The following TRPS1 variants were observed in gnomAD, a reference collection of about 807,000 sequenced individuals.
The protein encoded by TRPS1 is transcriptional repressor GATA binding 1.
A neutral mutation model predicts 101.2 loss-of-function variants in TRPS1; 6 were observed. That is an observed-to-expected ratio of 0.06 (90% CI 0.03 to 0.12). TRPS1 has a LOEUF of 0.12. Among genes scored for constraint, TRPS1 ranks in the 10% least tolerant of loss-of-function variants. The pLI is 1.00. For missense variants in TRPS1, 1,363 were observed against 1,567.0 expected, an observed-to-expected ratio of 0.87 and a Z score of 2.20; for synonymous variants, 578 against 589.8, an observed-to-expected ratio of 0.98 and a Z score of 0.29.
intron 5 of TRPS1, among the ~76,000 whole-genome samples, chr8:115,478,761 G>A (rs937033789): frequency 6.6e-6 from 1 of 150,878 alleles, no homozygotes; most frequent in Admixed American, 6.6e-5. Flanking sequence ...CCGAGATCAC[G>A]CCACTGCACT....
rs756383722 is a variant in TRPS1 at position 115,418,438 on chromosome 8, G to A, written c.2715C>T (p.Ser905=). ...SQSLLRRRRG[S]GVFCANCLTT... ...TCAGGCAATTGGCACAAAAAACACC[G>A]GAGCCTCTACGCCTCTGAAACAGGG... is the stretch of plus-strand genomic sequence containing the variant. The change falls in exon 6 of 7, where the codon TCC becomes TCT. Residue 905 remains serine, a synonymous_variant. Coordinates refer to ENST00000395715, the MANE Select transcript of TRPS1 (RefSeq NM_014112.5). This position sits in a 1 kb window ranked among gnomAD's most constrained non-coding sequence, Gnocchi z 4.3. The A allele has an allele frequency of 1.1e-5, 17 of 1,614,058 alleles. No homozygotes were observed. The highest frequency in any genetic ancestry group is 1.7e-4 in the Middle Eastern group (1 of 6,060).
At chr8:115,547,025 G>T (rs945232241) in intron 5 of TRPS1, among the ~76,000 whole-genome samples, 1 of 152,162 alleles carries the variant, frequency 6.6e-6, no homozygotes, top group Non-Finnish European at 1.5e-5. Context: ...CACAGACTTT[G>T]TAATTTCCTA....
At chr8:115,659,691 G>A (rs1423723607) in intron 1 of TRPS1, among the ~76,000 whole-genome samples, 1 of 151,960 alleles carries the variant, frequency 6.6e-6, no homozygotes, top group Admixed American at 6.6e-5. Flanking sequence ...ATGGGCTGAT[G>A]TATTTTATTT....
intron 5 of TRPS1, among the ~76,000 whole-genome samples, chr8:115,495,444 TG>T (rs1331719575): frequency 6.6e-6 from 1 of 150,600 alleles, no homozygotes. Context: ...AGCCAAATTA[TG>T]GCAGAAAGGA....
chr8:115,621,927 A>AG (rs397766321), intron 2 of TRPS1, among the ~76,000 whole-genome samples: 6 of 151,924 alleles, frequency 3.9e-5, no homozygotes, highest in Non-Finnish European at 7.4e-5. Flanking sequence ...AAAAAAAAAA[A>AG]CAAAAGCAAA....
At chr8:115,594,553 C>T (rs1384450718) in intron 4 of TRPS1, among the ~76,000 whole-genome samples, 1 of 151,984 alleles carries the variant, frequency 6.6e-6, no homozygotes, top group Non-Finnish European at 1.5e-5. Context: ...AGGCAAACGA[C>T]ATCAAATTGC....
At chr8:115,525,348 T>C (rs937835367) in intron 5 of TRPS1, among the ~76,000 whole-genome samples, 3 of 152,114 alleles carry the variant, frequency 2.0e-5, no homozygotes, top group Non-Finnish European at 2.9e-5. Flanking sequence ...AATTTGTCTA[T>C]AGTACAGAGA....
intron 5 of TRPS1, among the ~76,000 whole-genome samples, chr8:115,513,674 G>A (rs1563566029): frequency 1.4e-5 from 2 of 144,856 alleles, no homozygotes; most frequent in African/African-American, 2.6e-5. Context: ...GAGATACCAT[G>A]TGGCTCAAAG....
chr8:115,553,218 AT>A, intron 5 of TRPS1, among the ~76,000 whole-genome samples: 1 of 152,090 alleles, frequency 6.6e-6, no homozygotes, highest in Admixed American at 6.6e-5. Context: ...AGTAAGTAGT[AT>A]TTTTTGTTGC....
At chr8:115,627,149 A>T (rs1360963727) in intron 1 of TRPS1, among the ~76,000 whole-genome samples, 1 of 151,720 alleles carries the variant, frequency 6.6e-6, no homozygotes, top group Non-Finnish European at 1.5e-5. Context: ...GAGCAAGAAT[A>T]CCTCATGGAG....
At chr8:115,656,697 A>C (rs1253993986) in intron 1 of TRPS1, among the ~76,000 whole-genome samples, 1 of 152,120 alleles carries the variant, frequency 6.6e-6, no homozygotes, top group Non-Finnish European at 1.5e-5. Context: ...ACTACTCCTT[A>C]GAAATGACCA....
intron 5 of TRPS1, among the ~76,000 whole-genome samples, chr8:115,573,254 G>A (rs1046411451): frequency 3.3e-5 from 5 of 152,114 alleles, no homozygotes; most frequent in African/African-American, 1.2e-4. Context: ...TAACATCTCT[G>A]AGGCTCTACT....
intron 3 of TRPS1, among the ~76,000 whole-genome samples, chr8:115,610,604 G>A (rs1353920906): frequency 6.6e-6 from 1 of 152,098 alleles, no homozygotes; most frequent in Non-Finnish European, 1.5e-5. Flanking sequence ...GCAGGGGAGG[G>A]TACAGGGGAA....
At chr8:115,593,122 G>T (rs1817714128) in intron 4 of TRPS1, among the ~76,000 whole-genome samples, 1 of 152,174 alleles carries the variant, frequency 6.6e-6, no homozygotes, top group South Asian at 2.1e-4. Flanking sequence ...TCAGGTCCAA[G>T]ATGAATTTTT....
chr8:115,487,517 CA>C (rs1353351038), intron 5 of TRPS1, among the ~76,000 whole-genome samples: 1 of 152,052 alleles, frequency 6.6e-6, no homozygotes, highest in Non-Finnish European at 1.5e-5. Flanking sequence ...TGAAAACCTT[CA>C]AAAAAGGATT....
At chr8:115,496,109 TCCTGTGCTGTTTCTAAAAATCCATTAC>T (rs1166526875) in intron 5 of TRPS1, among the ~76,000 whole-genome samples, 1 of 152,120 alleles carries the variant, frequency 6.6e-6, no homozygotes, top group Non-Finnish European at 1.5e-5. Flanking sequence ...ACATGTCAAA[TCCTGTGCTGTTTCTAAAAATCCATTAC>T]ATCCAATCCT....
chr8:115,492,356 G>T, intron 5 of TRPS1: 1 of 429,992 alleles, frequency 2.3e-6, no homozygotes, highest in Non-Finnish European at 4.7e-6. Flanking sequence ...AACAGACAGG[G>T]TTCCAGTGTT....
chr8:115,650,566 C>T (rs974297892), intron 1 of TRPS1, among the ~76,000 whole-genome samples: 2 of 151,848 alleles, frequency 1.3e-5, no homozygotes, highest in Non-Finnish European at 2.9e-5. Flanking sequence ...AGGGACTTCC[C>T]AATTGTCAGA....
Position 115,567,393 on chromosome 8 carries a change from A to AG in TRPS1, c.2700+19607dup, listed in dbSNP as rs370081252. ...CTCAGGTCATTCACTGTTATTAGAA[A>AG]GGGGGGTGGGGAAATCTGGCATTAC... On this transcript the variant is annotated intron_variant, in intron 5 of 6. Transcript: ENST00000395715. Among the ~76,000 whole-genome samples the AG allele has an allele frequency of 2.2e-3, 338 of 152,144 alleles. 3 individuals carry two copies. The highest frequency in any genetic ancestry group is 7.3e-3 in the African/African-American group (304 of 41,522).
Sources: gnomAD v4.1 joint callset for allele counts (sites outside exome capture counted in the v4.1 genomes callset) on GRCh38, gnomAD v4.1.1 for gene constraint, Gnocchi (gnomAD v3.1) non-coding constraint, MANE v1.5 for transcripts, NCBI Gene and HGNC (gene_info 2026-07-23, HGNC 2026-07-21) for gene names.